EGFLAM: variants seen among roughly 807,000 people sequenced by gnomAD.
EGFLAM encodes pikachurin.
In EGFLAM, 79 loss-of-function variants were observed where a neutral mutation model predicts 113.1. The ratio of observed to expected loss-of-function variants is 0.70; its 90% CI spans 0.58 to 0.84. The LOEUF (loss-of-function observed/expected upper bound fraction) is 0.84, where lower values mean the gene tolerates loss of function less well. EGFLAM is among the 40% of genes least tolerant of loss of function. The probability of loss-of-function intolerance (pLI) is 0.00; values close to 1 mark genes in which losing one functional copy is unlikely to be tolerated. For synonymous variants in EGFLAM, 504 were observed against 487.6 expected (o/e 1.03, Z -0.44); for missense variants, 1,265 against 1,291.6 (o/e 0.98, Z 0.32).
Position 38,384,952 on chromosome 5 carries a change from A to G in EGFLAM, c.712+14490A>G, listed in dbSNP as rs548134394. 6.2e-4 allele frequency among the ~76,000 whole-genome samples: 94 copies of G among 152,230 alleles called. 1 individual carries two copies. In the South Asian group the frequency reaches 0.014, roughly 22 times the overall value. On this transcript the variant is annotated intron_variant, in intron 6 of 21. Transcript: ENST00000322350. ...CTGGCATTTAGTCAGTAGAGACTAG[A>G]GATGTTGCTAAATATGAATACCTTG...
At chr5:38,327,291 G>A (rs1157052709) in intron 1 of EGFLAM, among the ~76,000 whole-genome samples, 5 of 152,136 alleles carry the variant, frequency 3.3e-5, no homozygotes, top group Non-Finnish European at 7.3e-5. Flanking sequence ...ATTTCCTTTA[G>A]TAACCAAGGA....
At chr5:38,312,120 C>T (rs1738458812) in intron 1 of EGFLAM, among the ~76,000 whole-genome samples, 1 of 152,114 alleles carries the variant, frequency 6.6e-6, no homozygotes, top group African/African-American at 2.4e-5. Flanking sequence ...GCAATAATCT[C>T]TGTATGGTGT....
intron 1 of EGFLAM, among the ~76,000 whole-genome samples, chr5:38,312,243 AT>A (rs35055096): frequency 0.016 from 2,189 of 140,142 alleles, 40 homozygotes; most frequent in African/African-American, 0.048. Flanking sequence ...TGTATCTCAG[AT>A]TTTTTTTTTT....
intron 12 of EGFLAM, 44 bp downstream of exon 12, chr5:38,418,299 T>C (rs373306218): frequency 3.7e-6 from 6 of 1,602,282 alleles, no homozygotes; most frequent in East Asian, 2.2e-5. Context: ...ATGGGACTTA[T>C]GTCTTATGGG....
intron 5 of EGFLAM, among the ~76,000 whole-genome samples, chr5:38,364,184 G>A (rs1740001363): frequency 6.6e-6 from 1 of 152,184 alleles, no homozygotes. Flanking sequence ...AAACATGCAA[G>A]AGATTTAGGG....
intron 1 of EGFLAM, among the ~76,000 whole-genome samples, chr5:38,336,565 C>A (rs1225331952): frequency 1.0e-5 from 1 of 98,752 alleles, no homozygotes; most frequent in South Asian, 2.5e-4. Flanking sequence ...CAGAGTGAGA[C>A]TCCGTACACA....
chr5:38,343,526 A>G (rs1367064922), intron 3 of EGFLAM, among the ~76,000 whole-genome samples: 6 of 152,148 alleles, frequency 3.9e-5, no homozygotes, highest in Non-Finnish European at 5.9e-5. Context: ...TTCCTGCAGT[A>G]CGCAGGACAG....
intron 5 of EGFLAM, among the ~76,000 whole-genome samples, chr5:38,368,170 C>T (rs912860848): frequency 6.6e-6 from 1 of 152,152 alleles, no homozygotes; most frequent in Non-Finnish European, 1.5e-5. Context: ...AAGATCACAT[C>T]TTTTCTGACT....
At chr5:38,427,450 G>C (rs1354321748) in intron 14 of EGFLAM, 198 bp downstream of exon 14, 11 of 799,940 alleles carry the variant, frequency 1.4e-5, no homozygotes, top group African/African-American at 3.5e-5. Flanking sequence ...TGCCCACAAG[G>C]CTTCCTTTTC....
chr5:38,293,143 A>T (rs763318587), intron 1 of EGFLAM, among the ~76,000 whole-genome samples: 1 of 152,200 alleles, frequency 6.6e-6, no homozygotes, highest in Non-Finnish European at 1.5e-5. Context: ...CTTTTAATTC[A>T]TCTGGTGCTT....
chr5:38,430,068 C>T (rs1742141521), intron 14 of EGFLAM: 1 of 227,458 alleles, frequency 4.4e-6, no homozygotes, highest in Non-Finnish European at 9.3e-6. Context: ...ATCTGACGTG[C>T]CATCATCAAT....
At chr5:38,384,644 G>T (rs1372124872) in intron 6 of EGFLAM, among the ~76,000 whole-genome samples, 1 of 152,152 alleles carries the variant, frequency 6.6e-6, no homozygotes, top group African/African-American at 2.4e-5. Context: ...TAGACTGAAG[G>T]CAGTCTGTGC....
At chr5:38,433,204 C>T (rs1476806076) in intron 15 of EGFLAM, among the ~76,000 whole-genome samples, 1 of 152,152 alleles carries the variant, frequency 6.6e-6, no homozygotes, top group Non-Finnish European at 1.5e-5. Context: ...GGTTAGAGTA[C>T]ACTTTGAGGG....
At chr5:38,295,161 AATTAGTAAT>A (rs1371214162) in intron 1 of EGFLAM, among the ~76,000 whole-genome samples, 1 of 152,224 alleles carries the variant, frequency 6.6e-6, no homozygotes, top group Non-Finnish European at 1.5e-5. Flanking sequence ...CTTTTGGTAC[AATTAGTAAT>A]AACATGCTTG....
rs1243493581 is a variant in EGFLAM, at chr5:38,464,814, G to A, written c.*828G>A. 6.6e-6 allele frequency: 1 copy of A among 152,208 alleles called. No individual in the cohort carries two copies. The highest frequency in any genetic ancestry group is 6.5e-5 in the Admixed American group (1 of 15,292). 9.4% of individuals were successfully genotyped at this position (152,208 alleles called of 1,614,324 possible). On this transcript the variant is annotated 3_prime_UTR_variant, in exon 22 of 22. Transcript: ENST00000322350. ...GGGCCTTTTGTGGTGTCAGTGGAAT[G>A]GATAGGTAACTTGGGTGGGCAACTT...
intron 13 of EGFLAM, 26 bp downstream of exon 13, chr5:38,425,118 G>A (rs563393236): frequency 1.9e-6 from 3 of 1,607,396 alleles, no homozygotes; most frequent in African/African-American, 2.7e-5. Context: ...GTTGAAGGCG[G>A]TTTCTATCTG....
intron 1 of EGFLAM, among the ~76,000 whole-genome samples, chr5:38,324,402 T>C (rs149981816): frequency 1.6e-3 from 240 of 152,236 alleles, no homozygotes; most frequent in African/African-American, 5.6e-3. Context: ...ACCCCAATAA[T>C]ACAATGTCTA....
At chr5:38,381,291 C>A (rs1379891463) in intron 6 of EGFLAM, among the ~76,000 whole-genome samples, 1 of 152,038 alleles carries the variant, frequency 6.6e-6, no homozygotes, top group Non-Finnish European at 1.5e-5. Context: ...CGTTTCAGTT[C>A]TTTGATGGGA....
chr5:38,447,718 T>C (rs1742759521), intron 17 of EGFLAM, among the ~76,000 whole-genome samples: 1 of 150,734 alleles, frequency 6.6e-6, no homozygotes, highest in African/African-American at 2.5e-5. Context: ...ATCGCGCCAT[T>C]TCACTCCAGC....
Sources: gnomAD v4.1 joint callset for allele counts (sites outside exome capture counted in the v4.1 genomes callset) on GRCh38, gnomAD v4.1.1 for gene constraint, MANE v1.5 for transcripts, NCBI Gene and HGNC (gene_info 2026-07-23, HGNC 2026-07-21) for gene names.